CFAP299: variants seen among roughly 807,000 people sequenced by gnomAD.
CFAP299 encodes the protein cilia and flagella associated protein 299.
CFAP299 carries 21 observed loss-of-function variants against 27.0 expected under a neutral mutation model. The ratio of observed to expected loss-of-function variants is 0.78; its 90% CI spans 0.55 to 1.12. The LOEUF is 1.12. Among genes scored for constraint, CFAP299 ranks in the 50% most tolerant of loss-of-function variants. The pLI, the probability that CFAP299 is intolerant of heterozygous loss-of-function variation, is 0.00. For missense variants in CFAP299, 310 were observed against 276.6 expected, an observed-to-expected ratio of 1.12 and a Z score of -0.86; for synonymous variants, 104 against 98.1, an observed-to-expected ratio of 1.06 and a Z score of -0.36.
Position 80,651,470 on chromosome 4 carries a change from A to T in CFAP299, c.333+68287A>T, listed in dbSNP as rs376055876. On this transcript the variant is annotated intron_variant, in intron 3 of 5. Transcript: ENST00000358105. The stretch of plus-strand genomic sequence containing the variant: ...AGTCTCGACCTCCTGGGTTTAAGTG[A>T]TCCTCCCACCTCAGCCCCTCAAGTA... Among the ~76,000 whole-genome samples the T allele has an allele frequency of 6.0e-5, 9 of 148,894 alleles. No individual in the cohort carries two copies. In the East Asian group the frequency reaches 1.8e-3, roughly 29 times the overall value.
At chr4:80,869,902 T>C (rs1333290947) in intron 3 of CFAP299, 91 bp from the exon 4 acceptor site, 1 of 1,215,126 alleles carries the variant, frequency 8.2e-7, no homozygotes, top group Non-Finnish European at 1.1e-6. Flanking sequence ...TGGTCACTCA[T>C]ATTAGTGTTT....
At chr4:80,807,112 A>G (rs1728902568) in intron 3 of CFAP299, among the ~76,000 whole-genome samples, 1 of 152,172 alleles carries the variant, frequency 6.6e-6, no homozygotes, top group African/African-American at 2.4e-5. Flanking sequence ...CTGAATGAAC[A>G]GAAATCTGCA....
At chr4:80,649,588 A>G (rs1324315707) in intron 3 of CFAP299, among the ~76,000 whole-genome samples, 1 of 152,124 alleles carries the variant, frequency 6.6e-6, no homozygotes, top group Non-Finnish European at 1.5e-5. Context: ...AGAAATATTT[A>G]TTTCCTTTCA....
chr4:80,580,684 T>C (rs1736116407), intron 2 of CFAP299, among the ~76,000 whole-genome samples: 1 of 152,048 alleles, frequency 6.6e-6, no homozygotes, highest in South Asian at 2.1e-4. Context: ...TCAACCTTTG[T>C]TGGTTATGCT....
chr4:80,757,604 G>A (rs1725308407), intron 3 of CFAP299, among the ~76,000 whole-genome samples: 1 of 152,082 alleles, frequency 6.6e-6, no homozygotes, highest in East Asian at 1.9e-4. Context: ...TCCACTATTT[G>A]GTCAGTTAAT....
chr4:80,800,055 C>A (rs1321190065), intron 3 of CFAP299, among the ~76,000 whole-genome samples: 33 of 49,590 alleles, frequency 6.7e-4, no homozygotes, highest in Non-Finnish European at 7.3e-4. Flanking sequence ...ATAATAAATG[C>A]TATAATATAT....
chr4:80,360,299 C>T (rs1371988894), intron 1 of CFAP299, among the ~76,000 whole-genome samples: 1 of 152,184 alleles, frequency 6.6e-6, no homozygotes, highest in African/African-American at 2.4e-5. Context: ...AGAGGCAATG[C>T]AGCTGGAGGG....
At chr4:80,560,445 G>T (rs1407807603) in intron 2 of CFAP299, among the ~76,000 whole-genome samples, 2 of 151,906 alleles carry the variant, frequency 1.3e-5, no homozygotes, top group Non-Finnish European at 2.9e-5. Context: ...AAAAGTAAAG[G>T]GGACTTTGTC....
At chr4:80,608,344 G>T in intron 3 of CFAP299, 1 of 1,530,762 alleles carries the variant, frequency 6.5e-7, no homozygotes. Context: ...TAAATCAACA[G>T]GAGACTGATG....
intron 3 of CFAP299, among the ~76,000 whole-genome samples, chr4:80,599,738 T>C (rs1245164255): frequency 6.6e-6 from 1 of 152,128 alleles, no homozygotes; most frequent in Non-Finnish European, 1.5e-5. Flanking sequence ...TGTAGGATAC[T>C]ACTGTTACAC....
At chr4:80,741,440 T>C (rs983787368) in intron 3 of CFAP299, among the ~76,000 whole-genome samples, 6 of 152,002 alleles carry the variant, frequency 3.9e-5, no homozygotes, top group African/African-American at 1.2e-4. Flanking sequence ...TTTAAGGTAG[T>C]GGGTTCTCAC....
At chr4:80,636,192 A>G (rs1739459437) in intron 3 of CFAP299, among the ~76,000 whole-genome samples, 1 of 152,154 alleles carries the variant, frequency 6.6e-6, no homozygotes, top group South Asian at 2.1e-4. Flanking sequence ...TTAGAGAGGA[A>G]GAAAGTGACA....
chr4:80,357,633 C>G (rs1294699457), intron 1 of CFAP299, among the ~76,000 whole-genome samples: 4 of 152,060 alleles, frequency 2.6e-5, no homozygotes, highest in Non-Finnish European at 5.9e-5. Flanking sequence ...TAGAGGTGTT[C>G]ATAATATTCT....
intron 3 of CFAP299, among the ~76,000 whole-genome samples, chr4:80,597,998 T>A (rs1458331912): frequency 6.6e-6 from 1 of 152,206 alleles, no homozygotes; most frequent in Non-Finnish European, 1.5e-5. Context: ...GCAATTACTA[T>A]TTTGCATATA....
At chr4:80,480,709 C>T (rs1413127754) in intron 2 of CFAP299, among the ~76,000 whole-genome samples, 1 of 151,894 alleles carries the variant, frequency 6.6e-6, no homozygotes, top group African/African-American at 2.4e-5. Context: ...AGATTATATA[C>T]CCAGGATACT....
At chr4:80,469,356 A>G (rs1351847270) in intron 2 of CFAP299, among the ~76,000 whole-genome samples, 1 of 152,214 alleles carries the variant, frequency 6.6e-6, no homozygotes, top group Non-Finnish European at 1.5e-5. Context: ...TAGGAGTAAC[A>G]AAGGATACAT....
At chr4:80,931,130 A>G (rs1474905658) in intron 4 of CFAP299, among the ~76,000 whole-genome samples, 1 of 149,508 alleles carries the variant, frequency 6.7e-6, no homozygotes, top group Non-Finnish European at 1.5e-5. Flanking sequence ...TTTAAATGAG[A>G]AAAGACATAA....
At position 80,891,177 on chromosome 4, in the gene CFAP299, G is replaced by A. The variant is rs1477911178; in HGVS notation, c.476+21042G>A. ...TGGTAATGCCTAGGTTTTCTTCTAGGGTTTTTATGGTTTTAGGTCTAACGT... is the reference window on the plus strand; with the variant it reads ...TGGTAATGCCTAGGTTTTCTTCTAGAGTTTTTATGGTTTTAGGTCTAACGT... On this transcript the variant is annotated intron_variant, in intron 4 of 5. Transcript: ENST00000358105. Among the ~76,000 whole-genome samples, 3 of 148,560 alleles carry A rather than the reference G, an allele frequency of 2.0e-5. No individual in the cohort carries two copies. In the East Asian group the frequency reaches 6.2e-4, roughly 30 times the overall value.
chr4:80,902,347 TG>T (rs1734943686), intron 4 of CFAP299, among the ~76,000 whole-genome samples: 1 of 145,284 alleles, frequency 6.9e-6, no homozygotes, highest in Non-Finnish European at 1.5e-5. Flanking sequence ...TCCATATATA[TG>T]GATATATATG....
Sources: gnomAD v4.1 joint callset for allele counts (sites outside exome capture counted in the v4.1 genomes callset) on GRCh38, gnomAD v4.1.1 for gene constraint, MANE v1.5 for transcripts, NCBI Gene and HGNC (gene_info 2026-07-23, HGNC 2026-07-21) for gene names.